Variants in DNAH7 observed in about 807,000 individuals in gnomAD.
The protein encoded by DNAH7 is axonemal beta dynein heavy chain 7.
In DNAH7, 397 loss-of-function variants were observed where a neutral mutation model predicts 444.6. That is an observed-to-expected ratio of 0.89 (90% CI 0.82 to 0.97). The LOEUF (loss-of-function observed/expected upper bound fraction) is 0.97, where lower values mean the gene tolerates loss of function less well. Among genes scored for constraint, DNAH7 ranks in the 50% least tolerant of loss-of-function variants. The probability of loss-of-function intolerance (pLI) is 0.00; values close to 1 mark genes in which losing one functional copy is unlikely to be tolerated. For missense variants in DNAH7, 4,902 were observed against 4,800.8 expected, an observed-to-expected ratio of 1.02 and a Z score of -0.62; for synonymous variants, 1,636 against 1,624.4, an observed-to-expected ratio of 1.01 and a Z score of -0.17.
Position 195,988,102 on chromosome 2 carries a change from T to C in DNAH7, c.1481A>G (p.Tyr494Cys), listed in dbSNP as rs760787913. The C allele has an allele frequency of 4.3e-6, 7 of 1,613,690 alleles. No individual in the cohort carries two copies. The highest frequency in any genetic ancestry group is 1.1e-5 in the South Asian group (1 of 91,052). ...GGTAATTAAAAAGTCATACTTGTCA[T>C]AGAGTCTGAGGTGCTCAGTAGGTGC... The part of the protein sequence containing the change: ...SVAPTEHLRL[Y>C]DKYDFLITRK... The change falls in exon 13 of 65, where the codon TAT becomes TGT. Residue 494 changes from tyrosine (Y) to cysteine (C), a missense_variant. Physicochemically the swap from Tyr to Cys is radical, Grantham distance 194. Transcript: ENST00000312428.
intron 5 of DNAH7, among the ~76,000 whole-genome samples, chr2:196,037,497 A>C (rs1016989421): frequency 5.3e-5 from 8 of 152,226 alleles, no homozygotes; most frequent in Non-Finnish European, 8.8e-5. Context: ...TAAACAATAT[A>C]AGCAAATCAG....
intron 17 of DNAH7, among the ~76,000 whole-genome samples, chr2:195,961,517 T>C (rs1288204147): frequency 2.7e-5 from 4 of 150,342 alleles, no homozygotes; most frequent in African/African-American, 4.8e-5. Flanking sequence ...CCTGGAATAT[T>C]TGACTTAACA....
chr2:195,959,553 AC>A (rs1690935534), intron 18 of DNAH7, among the ~76,000 whole-genome samples: 1 of 152,186 alleles, frequency 6.6e-6, no homozygotes, highest in Admixed American at 6.5e-5. Context: ...GTACGATAAC[AC>A]CTAAGTCACC....
intron 15 of DNAH7, among the ~76,000 whole-genome samples, chr2:195,973,458 T>C (rs1307347144): frequency 6.6e-6 from 1 of 152,024 alleles, no homozygotes; most frequent in Non-Finnish European, 1.5e-5. Flanking sequence ...GTTTTTTTTG[T>C]TTGTTGTTTT....
At chr2:195,820,369 G>A (rs1365913665) in intron 49 of DNAH7, among the ~76,000 whole-genome samples, 2 of 151,362 alleles carry the variant, frequency 1.3e-5, no homozygotes, top group Admixed American at 6.6e-5. Flanking sequence ...CCTAGATGAC[G>A]AGTTGATAGG....
chr2:195,956,374 G>A (rs911036981), intron 19 of DNAH7, among the ~76,000 whole-genome samples: 2 of 152,196 alleles, frequency 1.3e-5, no homozygotes, highest in African/African-American at 4.8e-5. Flanking sequence ...TATTCTGCCA[G>A]TCATGGTGGC....
At chr2:195,765,928 T>C (rs932362730) in intron 61 of DNAH7, among the ~76,000 whole-genome samples, 2 of 152,064 alleles carry the variant, frequency 1.3e-5, no homozygotes, top group African/African-American at 4.8e-5. Flanking sequence ...TGCACTCCCA[T>C]GTTTATTGCC....
chr2:195,980,530 C>A (rs570046445), intron 15 of DNAH7, among the ~76,000 whole-genome samples: 4 of 152,088 alleles, frequency 2.6e-5, no homozygotes, highest in African/African-American at 9.7e-5. Flanking sequence ...ACTCTGTCAC[C>A]AAAACTAGAC....
chr2:196,008,031 T>C lies in DNAH7; in HGVS notation c.989+4756A>G, dbSNP rs181864552. Among the ~76,000 whole-genome samples the C allele has an allele frequency of 1.2e-4, 19 of 152,216 alleles. No homozygotes were observed. In the East Asian group the frequency reaches 3.5e-3, roughly 28 times the overall value. On this transcript the variant is annotated intron_variant, in intron 10 of 64. Transcript: ENST00000312428. ...ATTGATAAGGGTCTAGTATCCAGAA[T>C]ATACAAAGAACTCTTAAATCTCAAC...
intron 48 of DNAH7, among the ~76,000 whole-genome samples, chr2:195,833,127 C>G (rs1698153788): frequency 6.6e-6 from 1 of 152,174 alleles, no homozygotes; most frequent in African/African-American, 2.4e-5. Flanking sequence ...GATGCACACA[C>G]ACACATATAT....
chr2:195,773,925 T>C (rs996393127), intron 60 of DNAH7, among the ~76,000 whole-genome samples: 7 of 152,220 alleles, frequency 4.6e-5, no homozygotes, highest in African/African-American at 1.7e-4. Flanking sequence ...CAAAAAGTCT[T>C]GTCATCATTA....
At chr2:195,928,965 T>C (rs1376166373) in intron 21 of DNAH7, among the ~76,000 whole-genome samples, 1 of 152,098 alleles carries the variant, frequency 6.6e-6, no homozygotes, top group Non-Finnish European at 1.5e-5. Flanking sequence ...ATTCTACACC[T>C]AGAAAACCTC....
chr2:195,960,645 G>C lies in DNAH7; in HGVS notation c.2506C>G (p.Gln836Glu). ...ATCACTTGAATGAGAGGAATGTGCT[G>C]CTTGAAATCTTCCACCTTTGATCTT... is the stretch of plus-strand genomic sequence containing the variant. ...KVRSKVEDFK[Q>E]HIPLIQVICN... Residue 836 changes from glutamine to glutamate, a missense_variant, in exon 18 of 65, where the codon CAG becomes GAG. Coordinates refer to ENST00000312428, the MANE Select transcript of DNAH7 (RefSeq NM_018897.3). 1.9e-6 allele frequency: 3 copies of C among 1,614,232 alleles called. No homozygotes were observed. Among genetic ancestry groups the C allele is most frequent in the Non-Finnish European group, 2.5e-6 (3 of 1,180,036 alleles).
chr2:195,753,469 T>A (rs1693908017), intron 63 of DNAH7, among the ~76,000 whole-genome samples: 1 of 152,192 alleles, frequency 6.6e-6, no homozygotes, highest in African/African-American at 2.4e-5. Flanking sequence ...CACCACAGTA[T>A]AAATTAGTTG....
chr2:195,749,054 C>G (rs1046182803), intron 63 of DNAH7, among the ~76,000 whole-genome samples: 22 of 151,964 alleles, frequency 1.4e-4, no homozygotes, highest in Admixed American at 1.2e-3. Flanking sequence ...AAGCAACCTA[C>G]AAAATGGGAG....
chr2:195,797,602 C>T (rs1349428353), intron 55 of DNAH7, among the ~76,000 whole-genome samples: 1 of 152,156 alleles, frequency 6.6e-6, no homozygotes, highest in Non-Finnish European at 1.5e-5. Flanking sequence ...GTGAGTCCTT[C>T]GTAGAAGTGA....
rs146502800 is a variant in DNAH7 at position 195,811,828 on chromosome 2, A to G, written c.9762-1957T>C. Among the ~76,000 whole-genome samples, 29 of 152,194 alleles carry G rather than the reference A, an allele frequency of 1.9e-4. 1 individual carries two copies. In the East Asian group the frequency reaches 4.2e-3, roughly 22 times the overall value. On this transcript the variant is annotated intron_variant, in intron 51 of 64. Transcript: ENST00000312428. Reference sequence around the variant, plus strand: ...CAAATTGCCTTTGCAAAATTATGAGAGTAAGAGAAATCTGAAATAGCTGAC... The same window carrying G: ...CAAATTGCCTTTGCAAAATTATGAGGGTAAGAGAAATCTGAAATAGCTGAC...
intron 21 of DNAH7, among the ~76,000 whole-genome samples, chr2:195,932,214 GCT>G (rs1158336752): frequency 6.6e-6 from 1 of 151,984 alleles, no homozygotes; most frequent in East Asian, 1.9e-4. Context: ...TCATGATTTG[GCT>G]CTCTGTCTGT....
intron 57 of DNAH7, among the ~76,000 whole-genome samples, chr2:195,793,374 T>A (rs945175007): frequency 1.3e-5 from 2 of 152,240 alleles, no homozygotes; most frequent in African/African-American, 4.8e-5. Context: ...TTTCATAAAT[T>A]CCTGGACCTG....
Sources: allele counts gnomAD v4.1 joint callset (sites outside exome capture counted in the v4.1 genomes callset), GRCh38; gene constraint gnomAD v4.1.1; transcripts MANE v1.5; gene names NCBI Gene and HGNC (gene_info 2026-07-23, HGNC 2026-07-21).